Variants in COL6A2 observed in about 807,000 individuals in gnomAD.
The protein encoded by COL6A2 is collagen alpha-2(VI) chain.
A neutral mutation model predicts 124.9 loss-of-function variants in COL6A2; 90 were observed. That is an observed-to-expected ratio of 0.72 (90% confidence interval 0.61 to 0.86). The LOEUF is 0.86. COL6A2 is among the 40% of genes least tolerant of loss of function. The pLI, the probability that COL6A2 is intolerant of heterozygous loss-of-function variation, is 0.00. For missense variants in COL6A2, 1,607 were observed against 1,502.5 expected (o/e 1.07, Z -1.15); for synonymous variants, 793 against 618.2 (o/e 1.28, Z -4.19).
rs565526666 is a variant in COL6A2, at chr21:46,129,981, G to A, written c.2462-1973G>A. ...GGATGTTCCAGCACCAGGTTCCAGC[G>A]GAGCCTCGGAAACAGGCCCCAGAGG... On this transcript the variant is annotated intron_variant, in intron 27 of 27. Coordinates refer to ENST00000300527, the MANE Select transcript of COL6A2 (RefSeq NM_001849.4). 5.3e-5 allele frequency among the ~76,000 whole-genome samples: 8 copies of A among 152,260 alleles called. No homozygotes were observed. In the East Asian group the frequency reaches 5.8e-4, roughly 11 times the overall value.
At chr21:46,121,864 A>C (rs929076932) in intron 18 of COL6A2, among the ~76,000 whole-genome samples, 2 of 152,102 alleles carry the variant, frequency 1.3e-5, no homozygotes, top group Non-Finnish European at 2.9e-5. Flanking sequence ...GCCTGAGGGC[A>C]GCTACGTGGC....
intron 27 of COL6A2, chr21:46,128,756 T>C: frequency 6.5e-6 from 5 of 763,744 alleles, no homozygotes; most frequent in Non-Finnish European, 1.2e-5. Context: ...GTTCTGGGTG[T>C]AGAGGACTCA....
At chr21:46,125,393 T>A (rs1254096620) in intron 24 of COL6A2, 72 bp from the exon 25 acceptor site, 2 of 1,607,296 alleles carry the variant, frequency 1.2e-6, no homozygotes, top group African/African-American at 2.7e-5. Context: ...CATCGCTGGG[T>A]CCTGCATGTG....
intron 1 of COL6A2, among the ~76,000 whole-genome samples, chr21:46,107,411 A>G (rs1435839071): frequency 1.3e-5 from 2 of 152,218 alleles, no homozygotes; most frequent in Non-Finnish European, 2.9e-5. Context: ...GAAGAAAATA[A>G]AAATATTTTA....
Position 46,119,658 on chromosome 21 carries a change from G to GAGGTCCC in COL6A2, c.1270-121_1270-115dup, listed in dbSNP as rs2078529345. The GAGGTCCC allele has an allele frequency of 1.0e-5, 8 of 770,600 alleles. 1 individual carries two copies. The South Asian group carries it at 1.4e-4, about 13-fold the overall frequency. The allele number at this position is 770,600 out of a possible 1,614,324, so 47.7% of individuals were successfully genotyped here. ...GCTGTTGGGAAGGAGCCTGGGGATC[G>GAGGTCCC]AGGTCCCAGGTCCCAAAGCCAGAGC... On this transcript the variant is annotated intron_variant, in intron 14 of 27. Coordinates refer to ENST00000300527, the MANE Select transcript of COL6A2 (RefSeq NM_001849.4).
In COL6A2 at chr21:46,127,377, C is replaced by T. The variant is rs114643119; in HGVS notation, c.2461+836C>T. Reference sequence around the variant, plus strand: ...AGCTCCCGGTGGGTGAGCTGGGCCACTGAGCACATTCACAGGCCCTGAGGC... The same window carrying T: ...AGCTCCCGGTGGGTGAGCTGGGCCATTGAGCACATTCACAGGCCCTGAGGC... On this transcript the variant is annotated intron_variant, in intron 27 of 27. Coordinates refer to ENST00000300527, the MANE Select transcript of COL6A2 (RefSeq NM_001849.4). 9.2e-3 allele frequency among the ~76,000 whole-genome samples: 1,394 copies of T among 152,258 alleles called. 18 individuals carry two copies. Among genetic ancestry groups the T allele is most frequent in the African/African-American group, 0.032 (1,315 of 41,552 alleles).
At chr21:46,114,634 G>A (rs1474995546) in intron 5 of COL6A2, among the ~76,000 whole-genome samples, 1 of 152,172 alleles carries the variant, frequency 6.6e-6, no homozygotes, top group Middle Eastern at 3.2e-3. Flanking sequence ...AATGTGAGAT[G>A]CACTACACTT....
At chr21:46,113,165 C>T (rs867333528) in intron 4 of COL6A2, among the ~76,000 whole-genome samples, 22 of 152,108 alleles carry the variant, frequency 1.4e-4, no homozygotes, top group Admixed American at 6.5e-4. Context: ...CTGACATCAT[C>T]GGGGTCCATG....
chr21:46,130,394 C>A (rs1012664815), intron 27 of COL6A2, among the ~76,000 whole-genome samples: 7 of 152,212 alleles, frequency 4.6e-5, no homozygotes, highest in Non-Finnish European at 1.5e-5. Context: ...GAGCTGACCC[C>A]GACGTTCTGA....
At chr21:46,127,844 C>T (rs2078696837) in intron 27 of COL6A2, among the ~76,000 whole-genome samples, 1 of 152,164 alleles carries the variant, frequency 6.6e-6, no homozygotes, top group Non-Finnish European at 1.5e-5. Flanking sequence ...GTGACCTTTC[C>T]TCTTTAGCCT....
At chr21:46,102,794 A>T (rs934281669) in intron 1 of COL6A2, among the ~76,000 whole-genome samples, 13 of 152,092 alleles carry the variant, frequency 8.5e-5, no homozygotes, top group African/African-American at 3.1e-4. Flanking sequence ...TAATTGCATC[A>T]AATTATACCA....
chr21:46,112,160 G>C lies in COL6A2; in HGVS notation c.297G>C (p.Leu99=). The change falls in exon 3 of 28, where the codon CTG becomes CTC. Residue 99 remains leucine (L), a synonymous_variant. Coordinates refer to ENST00000300527, the MANE Select transcript of COL6A2 (RefSeq NM_001849.4). ...CGCTGAGCTGGCGCTACGGCGGCCT[G>C]CACTTCTCTGACCAGGTGGAGGTGT... ...QVALSWRYGG[L]HFSDQVEVFS... 6.2e-7 allele frequency: 1 copy of C among 1,613,048 alleles called. No individual in the cohort carries two copies. The highest frequency in any genetic ancestry group is 8.5e-7 in the Non-Finnish European group (1 of 1,180,034).
chr21:46,122,958 GC>G, intron 21 of COL6A2, 21 bp downstream of exon 21: 1 of 1,610,746 alleles, frequency 6.2e-7, no homozygotes, highest in South Asian at 1.1e-5. Context: ...CCGTCCCGAA[GC>G]CCACAGCAGC....
At chr21:46,127,197 G>T (rs186050225) in intron 27 of COL6A2, among the ~76,000 whole-genome samples, 1 of 152,116 alleles carries the variant, frequency 6.6e-6, no homozygotes, top group South Asian at 2.1e-4. Flanking sequence ...TCAGTGAGCC[G>T]TCCCCTCCAG....
chr21:46,126,283 C>T (rs768504716), intron 26 of COL6A2, 46 bp downstream of exon 26: 22 of 1,586,256 alleles, frequency 1.4e-5, no homozygotes, highest in East Asian at 8.9e-5. Context: ...CAGCAGGCCC[C>T]AGCCGCTGTC....
intron 27 of COL6A2, 136 bp downstream of exon 27, chr21:46,126,677 T>G (rs1401862984): frequency 9.5e-7 from 1 of 1,050,366 alleles, no homozygotes; most frequent in Non-Finnish European, 1.4e-6. Context: ...GGCTGCTCCT[T>G]AGGGAGATGG....
intron 27 of COL6A2, 115 bp from the exon 28 acceptor site, chr21:46,131,839 G>A: frequency 4.0e-6 from 4 of 998,268 alleles, no homozygotes; most frequent in Non-Finnish European, 6.0e-6. Flanking sequence ...GCAGAGCCCA[G>A]TGGTCTGTGA....
chr21:46,124,557 A>C, intron 21 of COL6A2, 94 bp from the exon 22 acceptor site: 7 of 1,102,032 alleles, frequency 6.4e-6, no homozygotes, highest in East Asian at 2.5e-5. Flanking sequence ...CCGCCAAGGG[A>C]GGACCCGTGG....
rs55942318 is a variant in COL6A2, at chr21:46,120,164, T to C, written c.1332+314T>C. 4.6e-3 allele frequency among the ~76,000 whole-genome samples: 348 copies of C among 75,112 alleles called. 1 individual carries two copies. Among genetic ancestry groups the C allele is most frequent in the African/African-American group, 0.012 (321 of 27,666 alleles). The allele number at this position is 75,112 out of a possible 152,430, so 49.3% of individuals were successfully genotyped here. ...CTCTTACCCCCAGCCCACTGAGGCA[T>C]TGCTCACCCACGTGACCTCAGGGGT... On this transcript the variant is annotated intron_variant, in intron 15 of 27. Coordinates refer to ENST00000300527, the MANE Select transcript of COL6A2 (RefSeq NM_001849.4).
Sources: gnomAD v4.1 joint callset for allele counts (sites outside exome capture counted in the v4.1 genomes callset) on GRCh38, gnomAD v4.1.1 for gene constraint, MANE v1.5 for transcripts, NCBI Gene and HGNC (gene_info 2026-07-23, HGNC 2026-07-21) for gene names.